ANKFN1: variants seen among roughly 807,000 people sequenced by gnomAD.
ANKFN1 encodes the protein ankyrin repeat and fibronectin type-III domain-containing protein 1.
ANKFN1 carries 74 observed loss-of-function variants against 108.7 expected under a neutral mutation model. The observed-to-expected ratio is 0.68, with a 90% CI of 0.56 to 0.83. ANKFN1 has a LOEUF of 0.83. Among genes scored for constraint, ANKFN1 ranks in the 40% least tolerant of loss-of-function variants. The pLI is 0.00. For missense variants in ANKFN1, 1,505 were observed against 1,382.3 expected (o/e 1.09, Z -1.41); for synonymous variants, 547 against 516.2 (o/e 1.06, Z -0.81).
chr17:56,145,634 G>A (rs1484329494), intron 4 of ANKFN1, among the ~76,000 whole-genome samples: 2 of 152,090 alleles, frequency 1.3e-5, no homozygotes, highest in African/African-American at 4.8e-5. Context: ...CCCTTGACAC[G>A]TGGGGATTAC....
intron 1 of ANKFN1, among the ~76,000 whole-genome samples, chr17:56,171,415 C>T (rs1007734782): frequency 1.4e-4 from 22 of 152,074 alleles, no homozygotes; most frequent in African/African-American, 5.3e-4. Context: ...CTTCTATACC[C>T]CAGGAGGCTC....
chr17:56,349,754 A>G (rs1166571399), intron 4 of ANKFN1, among the ~76,000 whole-genome samples: 1 of 152,176 alleles, frequency 6.6e-6, no homozygotes, highest in Non-Finnish European at 1.5e-5. Context: ...CAAAATGTGT[A>G]TATTTATTAT....
chr17:56,085,718 T>A lies in ANKFN1; in HGVS notation c.288+39393T>A, dbSNP rs947610115. 6.6e-5 allele frequency among the ~76,000 whole-genome samples: 10 copies of A among 151,252 alleles called. 1 individual carries two copies. The highest frequency in any genetic ancestry group is 2.4e-4 in the African/African-American group (10 of 41,172). On this transcript the variant is annotated intron_variant, in intron 4 of 12. Transcript: ENST00000635860. ...TCATGAAGCAGCAACACCATTTGGT[T>A]CAACTCAAAGCTCCCTGCTGAGGGT... is the stretch of plus-strand genomic sequence containing the variant.
At chr17:56,338,682 T>C (rs533788768) in intron 4 of ANKFN1, among the ~76,000 whole-genome samples, 1 of 152,196 alleles carries the variant, frequency 6.6e-6, no homozygotes, top group East Asian at 1.9e-4. Context: ...AAGAGTACCG[T>C]TGCTATCCAT....
At chr17:56,399,843 T>TATATATATATATA (rs1555645720) in intron 8 of ANKFN1, among the ~76,000 whole-genome samples, 4 of 64,762 alleles carry the variant, frequency 6.2e-5, no homozygotes, top group Admixed American at 2.4e-4. Context: ...ATTCCATTTT[T>TATATATATATATA]TATATATATA....
intron 4 of ANKFN1, among the ~76,000 whole-genome samples, chr17:56,106,948 A>G (rs1349869784): frequency 6.6e-6 from 1 of 152,178 alleles, no homozygotes; most frequent in Non-Finnish European, 1.5e-5. Flanking sequence ...TACAGTTGAA[A>G]TACTACTTCA....
intron 3 of ANKFN1, among the ~76,000 whole-genome samples, chr17:56,282,863 T>TA (rs1054616141): frequency 1.3e-5 from 2 of 152,274 alleles, no homozygotes; most frequent in South Asian, 2.1e-4. Flanking sequence ...AAATTGAAGT[T>TA]AAAAAAATAA....
chr17:56,388,044 T>C (rs193005794), intron 8 of ANKFN1, among the ~76,000 whole-genome samples: 1 of 152,304 alleles, frequency 6.6e-6, no homozygotes, highest in Non-Finnish European at 1.5e-5. Flanking sequence ...ACTCTCTTCT[T>C]CTCATAGTCA....
chr17:56,174,337 C>T (rs1910935808), intron 1 of ANKFN1: 1 of 985,496 alleles, frequency 1.0e-6, no homozygotes, highest in Non-Finnish European at 1.2e-6. Context: ...CCTGGAATCC[C>T]TACCAAGTGT....
At position 56,342,947 on chromosome 17, in the gene ANKFN1, C is replaced by A. The variant is rs190061125; in HGVS notation, c.189-7819C>A. Among the ~76,000 whole-genome samples, 88 of 152,072 alleles carry A rather than the reference C, an allele frequency of 5.8e-4. 1 individual carries two copies. The highest frequency in any genetic ancestry group is 4.2e-4 in the South Asian group (2 of 4,812). On this transcript the variant is annotated intron_variant, in intron 4 of 20. Transcript: ENST00000682825. ...AAGTCTCTTTGAAGGTCTCTAAGAA[C>A]TTGCTTTATGAATCTGAGTGCTCCT...
chr17:56,338,409 A>T (rs942948502), intron 4 of ANKFN1, among the ~76,000 whole-genome samples: 1 of 152,094 alleles, frequency 6.6e-6, no homozygotes, highest in African/African-American at 2.4e-5. Flanking sequence ...TATGTAACAA[A>T]CCTGTACATT....
At chr17:56,330,480 A>G (rs941817795) in intron 4 of ANKFN1, among the ~76,000 whole-genome samples, 23 of 152,334 alleles carry the variant, frequency 1.5e-4, no homozygotes, top group African/African-American at 5.3e-4. Context: ...GCCAAGCCAT[A>G]TCAAGAAATA....
intron 3 of ANKFN1, among the ~76,000 whole-genome samples, chr17:56,259,909 A>AACAC (rs34951336): frequency 0.12 from 16,711 of 138,980 alleles, 1,012 homozygotes; most frequent in East Asian, 0.21. Flanking sequence ...CCCACCTCCA[A>AACAC]ACACACACAC....
chr17:56,240,965 G>T (rs1917538972), intron 3 of ANKFN1, among the ~76,000 whole-genome samples: 1 of 150,904 alleles, frequency 6.6e-6, no homozygotes, highest in African/African-American at 2.4e-5. Context: ...TTTTTGGCCT[G>T]TTTTTTTTAA....
At chr17:56,500,543 C>T (rs1177337722) in intron 20 of ANKFN1, among the ~76,000 whole-genome samples, 1 of 152,178 alleles carries the variant, frequency 6.6e-6, no homozygotes, top group Admixed American at 6.5e-5. Context: ...AATTGCCTAC[C>T]TGCTATGAAG....
At chr17:56,255,663 C>T (rs2043340558) in intron 3 of ANKFN1, among the ~76,000 whole-genome samples, 1 of 152,054 alleles carries the variant, frequency 6.6e-6, no homozygotes. Flanking sequence ...GCAGTGTAAC[C>T]CAATCATGCT....
chr17:56,060,508 C>A (rs1430974005), intron 4 of ANKFN1, among the ~76,000 whole-genome samples: 1 of 151,996 alleles, frequency 6.6e-6, no homozygotes, highest in Non-Finnish European at 1.5e-5. Context: ...TTTCTTGTAC[C>A]AGTTTTCAAA....
At chr17:56,346,983 A>G (rs2046121897) in intron 4 of ANKFN1, among the ~76,000 whole-genome samples, 1 of 151,864 alleles carries the variant, frequency 6.6e-6, no homozygotes, top group Admixed American at 6.6e-5. Context: ...CCCTGAGTTT[A>G]TTTTATCATT....
chr17:56,396,720 G>C (rs1237891502), intron 8 of ANKFN1, among the ~76,000 whole-genome samples: 2 of 152,054 alleles, frequency 1.3e-5, no homozygotes, highest in Non-Finnish European at 2.9e-5. Context: ...TGTGGAGTAG[G>C]TACTACTATT....
Sources: gnomAD v4.1 joint callset for allele counts (sites outside exome capture counted in the v4.1 genomes callset) on GRCh38, gnomAD v4.1.1 for gene constraint, MANE v1.5 for transcripts, NCBI Gene and HGNC (gene_info 2026-07-23, HGNC 2026-07-21) for gene names.